The following DAB2IP variants were observed in gnomAD, a reference collection of about 807,000 sequenced individuals.
The protein encoded by DAB2IP is DAB2 interacting protein, also known as disabled homolog 2-interacting protein.
In DAB2IP, 28 loss-of-function variants were observed where a neutral mutation model predicts 107.2. The ratio of observed to expected loss-of-function variants is 0.26; its 90% CI spans 0.19 to 0.36. The LOEUF is 0.36. Ranked by LOEUF, DAB2IP falls within the 10% of genes least tolerant of loss-of-function variation. DAB2IP has a pLI of 1.00. For missense variants in DAB2IP, 1,400 were observed against 1,644.7 expected (o/e 0.85, Z 2.57); for synonymous variants, 755 against 706.4 (o/e 1.07, Z -1.09).
intron 1 of DAB2IP, among the ~76,000 whole-genome samples, chr9:121,571,194 T>C (rs961926510): frequency 1.3e-5 from 2 of 152,076 alleles, no homozygotes; most frequent in Non-Finnish European, 2.9e-5. Flanking sequence ...ATCACTCTCA[T>C]AGGCCCTCTT....
chr9:121,770,591 G>A (rs533567792), exon 11 of DAB2IP: 6 of 1,614,084 alleles, frequency 3.7e-6, no homozygotes, highest in South Asian at 2.2e-5. Context: ...CCTGAGGGAC[G>A]TCCACACAGC....
At chr9:121,655,979 A>G (rs953073529) in intron 1 of DAB2IP, among the ~76,000 whole-genome samples, 3 of 150,544 alleles carry the variant, frequency 2.0e-5, no homozygotes, top group Non-Finnish European at 4.4e-5. Context: ...GTGTGCCACC[A>G]TGGGGGGTGG....
chr9:121,766,386 G>A (rs780761278), intron 8 of DAB2IP, 108 bp from the exon 9 acceptor site: 95 of 1,006,684 alleles, frequency 9.4e-5, no homozygotes, highest in Non-Finnish European at 1.3e-4. Flanking sequence ...CTGACCTCAC[G>A]CAGCTGGCGG....
intron 3 of DAB2IP, among the ~76,000 whole-genome samples, chr9:121,729,340 C>T (rs1015458214): frequency 2.0e-5 from 3 of 152,198 alleles, no homozygotes; most frequent in Non-Finnish European, 2.9e-5. Flanking sequence ...TTGCTCCTCT[C>T]AGAAACCCCC....
chr9:121,737,027 C>G (rs111680775), intron 3 of DAB2IP, among the ~76,000 whole-genome samples: 101 of 152,232 alleles, frequency 6.6e-4, no homozygotes, highest in African/African-American at 2.3e-3. Context: ...GGTCTGAGAC[C>G]GGAATGAGGA....
chr9:121,713,511 C>T (rs1830437858), intron 3 of DAB2IP, among the ~76,000 whole-genome samples: 1 of 152,186 alleles, frequency 6.6e-6, no homozygotes, highest in South Asian at 2.1e-4. Flanking sequence ...CTTCTCCTGC[C>T]CTCTTGTTGT....
chr9:121,744,836 G>A (rs138640674), intron 3 of DAB2IP, among the ~76,000 whole-genome samples: 5 of 152,166 alleles, frequency 3.3e-5, no homozygotes, highest in South Asian at 4.1e-4. Flanking sequence ...TGTCAGTTCT[G>A]GGGGAGGCTT....
At chr9:121,707,730 T>A (rs1009621239) in intron 3 of DAB2IP, among the ~76,000 whole-genome samples, 4 of 152,226 alleles carry the variant, frequency 2.6e-5, no homozygotes, top group African/African-American at 4.8e-5. Context: ...AATTTCATGC[T>A]CTGCCTTTTT....
At chr9:121,647,707 CT>C, upstream of DAB2IP, among the ~76,000 whole-genome samples, 1 of 152,084 alleles carries the variant, frequency 6.6e-6, no homozygotes, top group East Asian at 1.9e-4. Context: ...TCAGAGTAGA[CT>C]TTTTTAAGGA....
chr9:121,593,673 C>CTTT (rs71370677), intron 1 of DAB2IP, among the ~76,000 whole-genome samples: 1 of 110,930 alleles, frequency 9.0e-6, no homozygotes, highest in Non-Finnish European at 1.8e-5. Flanking sequence ...CTTTTTTTTT[C>CTTT]TTTTTTTTTT....
intron 3 of DAB2IP, among the ~76,000 whole-genome samples, chr9:121,746,839 C>A (rs1262470215): frequency 2.0e-5 from 3 of 152,192 alleles, no homozygotes; most frequent in Non-Finnish European, 4.4e-5. Flanking sequence ...CCTGAGGTGG[C>A]TGTTGGAGGT....
intron 1 of DAB2IP, among the ~76,000 whole-genome samples, chr9:121,631,984 G>A (rs1028110724): frequency 3.9e-5 from 6 of 152,096 alleles, no homozygotes; most frequent in Non-Finnish European, 8.8e-5. Flanking sequence ...GGTGGCCATC[G>A]TTGACACCTT....
At chr9:121,569,210 A>C (rs1340346156) in intron 1 of DAB2IP, among the ~76,000 whole-genome samples, 1 of 152,244 alleles carries the variant, frequency 6.6e-6, no homozygotes, top group Admixed American at 6.5e-5. Context: ...TCAGTGAGTC[A>C]CTTCCCCAGT....
intron 1 of DAB2IP, among the ~76,000 whole-genome samples, chr9:121,628,552 T>C (rs1251976485): frequency 2.0e-5 from 3 of 152,240 alleles, no homozygotes; most frequent in Non-Finnish European, 4.4e-5. Flanking sequence ...TGGGAGGCAC[T>C]GGAAGACTTT....
At chr9:121,774,294 G>A (rs1211930144) in exon 13 of DAB2IP, 10 of 1,613,046 alleles carry the variant, frequency 6.2e-6, no homozygotes, top group Non-Finnish European at 8.5e-6. Flanking sequence ...GCCCTGGACC[G>A]CACAGCCGCT....
chr9:121,616,215 G>A (rs572001067), intron 1 of DAB2IP, among the ~76,000 whole-genome samples: 16 of 152,334 alleles, frequency 1.1e-4, no homozygotes, highest in Non-Finnish European at 1.9e-4. Context: ...GGGGCGGGAA[G>A]GCTGCAGGGA....
rs369957300 is a variant in DAB2IP at position 121,775,514 on chromosome 9, G to A, written c.3121-684G>A. Among the ~76,000 whole-genome samples the A allele has an allele frequency of 2.3e-4, 35 of 152,296 alleles. No individual in the cohort carries two copies. The South Asian group carries it at 6.6e-3, about 29-fold the overall frequency. ...GTCCTCATGGCGTCTGGCCCCTCTC[G>A]ATCCCGGCGTTGGCCTTTCCTCGCT... is the stretch of plus-strand genomic sequence containing the variant. On this transcript the variant is annotated intron_variant, in intron 13 of 15. Coordinates refer to ENST00000408936, the Ensembl canonical transcript of DAB2IP.
chr9:121,708,722 G>A lies in DAB2IP; in HGVS notation c.362+9264G>A, dbSNP rs143842391. 9.3e-4 allele frequency among the ~76,000 whole-genome samples: 141 copies of A among 152,362 alleles called. 2 individuals are homozygous for A. The highest frequency in any genetic ancestry group is 6.8e-3 in the Middle Eastern group (2 of 294). On this transcript the variant is annotated intron_variant, in intron 3 of 15. Transcript: ENST00000408936. ...TACCCATTTACTTAGGATTGAGCGA[G>A]CAGCAGTAATGCAATTCAAGGTCCG...
intron 1 of DAB2IP, among the ~76,000 whole-genome samples, chr9:121,596,342 AAAAC>A (rs916827956): frequency 6.6e-4 from 101 of 152,170 alleles, no homozygotes; most frequent in Non-Finnish European, 1.0e-3. Flanking sequence ...AAAAAAATAA[AAAAC>A]AAACAAACAA....
Sources: allele counts gnomAD v4.1 joint callset (sites outside exome capture counted in the v4.1 genomes callset), GRCh38; gene constraint gnomAD v4.1.1; transcripts MANE v1.5; gene names NCBI Gene and HGNC (gene_info 2026-07-23, HGNC 2026-07-21).